Variants in SLC34A3 observed in about 807,000 individuals in gnomAD.
SLC34A3 encodes sodium-dependent phosphate transport protein 2C.
SLC34A3 carries 60 observed loss-of-function variants against 43.9 expected under a neutral mutation model. That is an observed-to-expected ratio of 1.37 (90% CI 1.11 to 1.70). The LOEUF (loss-of-function observed/expected upper bound fraction) is 1.70. Among genes scored for constraint, SLC34A3 ranks in the 40% most tolerant of loss-of-function variants. SLC34A3 has a pLI of 0.00. For synonymous variants in SLC34A3, 451 were observed against 386.2 expected, an observed-to-expected ratio of 1.17 and a Z score of -1.97; for missense variants, 969 against 823.8, an observed-to-expected ratio of 1.18 and a Z score of -2.16.
In SLC34A3 at chr9:137,233,097, A is replaced by C. The variant is rs762531255; in HGVS notation, c.542A>C (p.Asp181Ala). 2.2e-5 allele frequency: 34 copies of C among 1,574,520 alleles called. No homozygotes were observed. Among genetic ancestry groups the C allele is most frequent in the Non-Finnish European group, 2.8e-5 (33 of 1,158,650 alleles). Reference sequence around the variant, plus strand: ...CTGGTCTCAATGGCGCAGTCAGGGGACCGGGATGAATTTCAGAGGTGAGTT... The same window carrying C: ...CTGGTCTCAATGGCGCAGTCAGGGGCCCGGGATGAATTTCAGAGGTGAGTT... Reference protein sequence around the residue: ...STLVSMAQSGDRDEFQRAFSG... With the variant: ...STLVSMAQSGARDEFQRAFSG... Residue 181 changes from aspartate to alanine, a missense_variant, in exon 6 of 13, where the codon GAC (aspartate) becomes GCC (alanine). Transcript: ENST00000673835.
At position 137,233,619 on chromosome 9, in the gene SLC34A3, C is replaced by T. The variant is rs377718949; in HGVS notation, c.757-14C>T. The T allele has an allele frequency of 1.3e-5, 21 of 1,611,166 alleles. No individual in the cohort carries two copies. The highest frequency in any genetic ancestry group is 4.0e-5 in the African/African-American group (3 of 74,850). ...GAGGGTGCAGCACACCGTCACGACC[C>T]CTCTGGCCCCCAGTTGGACTCCGAC... On this transcript the variant is annotated splice_polypyrimidine_tract_variant and intron_variant, in intron 7 of 12. Transcript: ENST00000673835.
rs746411094 is a variant in SLC34A3 at position 137,233,127 on chromosome 9, G to T, written c.560+12G>T. On this transcript the variant is annotated intron_variant, in intron 6 of 12. Coordinates refer to ENST00000673835, the MANE Select transcript of SLC34A3 (RefSeq NM_001177316.2). The stretch of plus-strand genomic sequence containing the variant: ...GATGAATTTCAGAGGTGAGTTGTGG[G>T]TGGAAGGGCTGGGCTGGGGCTGCAG... The T allele has an allele frequency of 2.5e-6, 4 of 1,604,540 alleles. No homozygotes were observed. The highest frequency in any genetic ancestry group is 1.7e-5 in the Admixed American group (1 of 59,410).
rs1304544897 is a variant in SLC34A3 at position 137,231,671 on chromosome 9, C to G, written c.-32C>G. ...GCGCGTCCCCCCCAGCAGATCTAGA[C>G]CTGGGCCTGGGTCTGTCCCTGCCCG... On this transcript the variant is annotated 5_prime_UTR_variant, in exon 2 of 13. Coordinates refer to ENST00000673835, the MANE Select transcript of SLC34A3 (RefSeq NM_001177316.2). 2.5e-6 allele frequency: 4 copies of G among 1,590,800 alleles called. No homozygotes were observed. In the Admixed American group the frequency reaches 6.7e-5, roughly 27 times the overall value.
At position 137,231,658 on chromosome 9, in the gene SLC34A3, C is replaced by G; in HGVS notation, c.-39-6C>G. 1.3e-6 allele frequency: 2 copies of G among 1,508,700 alleles called. No homozygotes were observed. Among genetic ancestry groups the G allele is most frequent in the Admixed American group, 1.7e-5 (1 of 59,876 alleles). 93.5% of individuals were successfully genotyped at this position (1,508,700 alleles called of 1,614,324 possible). A position where few individuals can be genotyped will look rare whatever the true frequency, so the allele number is the denominator to read the frequency against. On this transcript the variant is annotated splice_polypyrimidine_tract_variant and splice_region_variant and intron_variant, in intron 1 of 12. Transcript: ENST00000673835. Reference sequence around the variant, plus strand: ...ATGTCTCTGACACGCGCGTCCCCCCCAGCAGATCTAGACCTGGGCCTGGGT... The same window carrying G: ...ATGTCTCTGACACGCGCGTCCCCCCGAGCAGATCTAGACCTGGGCCTGGGT...
In SLC34A3 at chr9:137,234,598, T is replaced by C; in HGVS notation, c.1211-9T>C. ...GCTGGGGTCCTGTGGTGACTCCCAG[T>C]TCCCCCAGGGGTCGGGGTGATCAGT... On this transcript the variant is annotated splice_polypyrimidine_tract_variant and intron_variant, in intron 11 of 12. Coordinates refer to ENST00000673835, the MANE Select transcript of SLC34A3 (RefSeq NM_001177316.2). The surrounding 1 kb of genome is among the most constrained non-coding windows in gnomAD (Gnocchi z 6.9). The C allele has an allele frequency of 6.2e-7, 1 of 1,612,172 alleles. No individual in the cohort carries two copies. Among genetic ancestry groups the C allele is most frequent in the Non-Finnish European group, 8.5e-7 (1 of 1,179,746 alleles).
At chr9:137,230,593 T>G (rs900825373), upstream of SLC34A3, among the ~76,000 whole-genome samples, 3 of 151,846 alleles carry the variant, frequency 2.0e-5, no homozygotes, top group African/African-American at 7.3e-5. Flanking sequence ...CTGGGTGGAG[T>G]GTGTCTCTTG....
At chr9:137,235,874 G>A (rs1428264242) in intron 12 of SLC34A3, 78 bp from the exon 13 acceptor site, 9 of 1,285,002 alleles carry the variant, frequency 7.0e-6, no homozygotes, top group Admixed American at 5.1e-5. Context: ...TCTGTAGGGT[G>A]GAGGAGGGCA....
chr9:137,235,315 G>A (rs545090466), intron 12 of SLC34A3, among the ~76,000 whole-genome samples: 1 of 152,284 alleles, frequency 6.6e-6, no homozygotes, highest in African/African-American at 2.4e-5. Flanking sequence ...GCTGCCCGGA[G>A]GCCCAACAGG....
intron 8 of SLC34A3, 57 bp downstream of exon 8, chr9:137,233,779 T>TTGGGGGGGCCCCC: frequency 6.9e-7 from 1 of 1,445,826 alleles, no homozygotes; most frequent in Non-Finnish European, 9.6e-7. Context: ...TGCTGAGTCA[T>TTGGGGGGGCCCCC]CCCGCCCCAC....
chr9:137,230,470 G>A (rs917254013), upstream of SLC34A3, among the ~76,000 whole-genome samples: 3 of 152,200 alleles, frequency 2.0e-5, no homozygotes, highest in Non-Finnish European at 4.4e-5. Context: ...CTGCTCTGCC[G>A]AGGGCAGGGA....
upstream of SLC34A3, among the ~76,000 whole-genome samples, chr9:137,229,795 C>A (rs1001752150): frequency 6.6e-6 from 1 of 152,194 alleles, no homozygotes; most frequent in Non-Finnish European, 1.5e-5. Context: ...TTCGCTGAAC[C>A]TTTCCTGGCT....
chr9:137,232,577 C>T lies in SLC34A3; in HGVS notation c.178C>T (p.Leu60Phe), dbSNP rs1234145400. 3 of 1,611,654 alleles carry T rather than the reference C, an allele frequency of 1.9e-6. No individual in the cohort carries two copies. Among genetic ancestry groups the T allele is most frequent in the Admixed American group, 1.7e-5 (1 of 59,966 alleles). The change falls in exon 4 of 13, where the codon CTC (leucine) becomes TTC (phenylalanine). Residue 60 changes from leucine to phenylalanine, a missense_variant and splice_region_variant. Transcript: ENST00000673835. ...LKDTSQPWKELRVAGRLRRVA... is the reference protein window; with the variant it reads ...LKDTSQPWKEFRVAGRLRRVA... ...GACAGCCTGCCCTGTGTCCTCAGAG[C>T]TCCGCGTGGCCGGCAGGCTGCGCCG...
intron 1 of SLC34A3, 120 bp downstream of exon 1, chr9:137,231,058 G>A (rs1055697161): frequency 6.4e-6 from 1 of 155,174 alleles, no homozygotes; most frequent in African/African-American, 2.4e-5. Flanking sequence ...AGAGACGCCA[G>A]GCTTGGGCAG....
At chr9:137,231,970 C>A in intron 2 of SLC34A3, 102 bp from the exon 3 acceptor site, 1 of 1,249,610 alleles carries the variant, frequency 8.0e-7, no homozygotes, top group Non-Finnish European at 1.2e-6. Flanking sequence ...TCCCTCACTC[C>A]AGGCCTCTTA....
At chr9:137,233,803 G>A (rs1307747176) in intron 8 of SLC34A3, 60 bp from the exon 9 acceptor site, 42 of 330,908 alleles carry the variant, frequency 1.3e-4, no homozygotes, top group Non-Finnish European at 1.9e-4. Flanking sequence ...CCCTCACCTC[G>A]AGCCCTCTGA....
intron 8 of SLC34A3, 61 bp downstream of exon 8, chr9:137,233,783 G>GAAAGGC: frequency 1.4e-6 from 1 of 693,574 alleles, no homozygotes; most frequent in Non-Finnish European, 2.0e-6. Flanking sequence ...GAGTCATCCC[G>GAAAGGC]CCCCACCCAC....
chr9:137,233,345 G>A lies in SLC34A3; in HGVS notation c.697G>A (p.Ala233Thr). ...GGGTGCCGCCAGCCTGACACCCAGG[G>A]CGCAGGCGCCCGACATCCTCAAGGT... ...ALGAASLTPR[A>T]QAPDILKVLT... Residue 233 changes from alanine to threonine, a missense_variant, in exon 7 of 13, where the codon GCG becomes ACG. Physicochemically the swap from Ala to Thr is moderately conservative, Grantham distance 58 (BLOSUM62 0). Transcript: ENST00000673835. The A allele has an allele frequency of 6.2e-7, 1 of 1,605,928 alleles. No homozygotes were observed. Among genetic ancestry groups the A allele is most frequent in the Non-Finnish European group, 8.5e-7 (1 of 1,177,248 alleles).
Position 137,235,932 on chromosome 9 carries a change from G to T in SLC34A3, c.1336-20G>T. Reference sequence around the variant, plus strand: ...CCCACCTCGTTGGGCCCAGGCCCCTGACAGCCCCCTCGCCCCCAGGTCGCC... The same window carrying T: ...CCCACCTCGTTGGGCCCAGGCCCCTTACAGCCCCCTCGCCCCCAGGTCGCC... On this transcript the variant is annotated intron_variant, in intron 12 of 12. Transcript: ENST00000673835. 1 of 1,609,910 alleles carries T rather than the reference G, an allele frequency of 6.2e-7. No individual in the cohort carries two copies. Among genetic ancestry groups the T allele is most frequent in the South Asian group, 1.1e-5 (1 of 90,944 alleles).
In SLC34A3 at chr9:137,232,650, ACTT is replaced by A. The variant is rs772397254; in HGVS notation, c.256_258del (p.Phe86del). The A allele has an allele frequency of 2.5e-6, 4 of 1,612,740 alleles. No individual in the cohort carries two copies. The highest frequency in any genetic ancestry group is 1.1e-5 in the South Asian group (1 of 91,088). Reference sequence around the variant, plus strand: ...GCCTGCGGGCTCCTCGGCAGCCTGTACTTCTTCATCTGCTCTCTGGACGTCCTC... The same window carrying A: ...GCCTGCGGGCTCCTCGGCAGCCTGTACTTCATCTGCTCTCTGGACGTCCTC... On this transcript the variant is annotated inframe_deletion, in exon 4 of 13. Transcript: ENST00000673835.
Sources: allele counts gnomAD v4.1 joint callset (sites outside exome capture counted in the v4.1 genomes callset), GRCh38; gene constraint gnomAD v4.1.1; non-coding constraint Gnocchi (gnomAD v3.1); transcripts MANE v1.5; gene names NCBI Gene and HGNC (gene_info 2026-07-23, HGNC 2026-07-21).